The following MSTO1 variants were observed in gnomAD, a reference collection of about 807,000 sequenced individuals.
The protein encoded by MSTO1 is misato mitochondrial distribution and morphology regulator 1.
In MSTO1, 24 loss-of-function variants were observed where a neutral mutation model predicts 55.7. The ratio of observed to expected loss-of-function variants is 0.43; its 90% CI spans 0.31 to 0.61. The LOEUF is 0.61. MSTO1 is among the 20% of genes least tolerant of loss of function. The probability of loss-of-function intolerance (pLI) is 0.09; values close to 1 mark genes in which losing one functional copy is unlikely to be tolerated. For missense variants in MSTO1, 363 were observed against 625.7 expected (o/e 0.58, Z 4.48); for synonymous variants, 162 against 252.8 (o/e 0.64, Z 3.41).
At chr1:155,601,546 A>G in the MSTO1 span, among the ~76,000 whole-genome samples, 1 of 152,118 alleles carries the variant, frequency 6.6e-6, no homozygotes, top group African/African-American at 2.4e-5. Flanking sequence ...GGATCGCCTG[A>G]GCCTAGAAGT....
chr1:155,565,342 T>TCTTAA, the MSTO1 span, among the ~76,000 whole-genome samples: 5 of 151,804 alleles, frequency 3.3e-5, no homozygotes, highest in Admixed American at 3.3e-4. Context: ...AAATGAATGT[T>TCTTAA]AGATACTTAA....
the MSTO1 span, among the ~76,000 whole-genome samples, chr1:155,578,336 C>CTTTCTTTTTTTTTTTT: frequency 2.3e-5 from 1 of 44,280 alleles, no homozygotes; most frequent in Non-Finnish European, 3.6e-5. Flanking sequence ...AACTACCTTT[C>CTTTCTTTTTTTTTTTT]TTTTTTTTTT....
At chr1:155,609,234 TA>T (rs1338618758), upstream of MSTO1, among the ~76,000 whole-genome samples, 154 of 51,040 alleles carry the variant, frequency 3.0e-3, no homozygotes, top group Non-Finnish European at 5.5e-3. Context: ...TATATATATA[TA>T]TATATATATT....
upstream of MSTO1, among the ~76,000 whole-genome samples, chr1:155,605,426 A>C (rs1672923054): frequency 6.6e-6 from 1 of 152,232 alleles, no homozygotes; most frequent in Non-Finnish European, 1.5e-5. Context: ...TTCCAAAAAA[A>C]TATGGCTTAC....
At chr1:155,583,510 TG>T in the MSTO1 span, among the ~76,000 whole-genome samples, 1 of 152,130 alleles carries the variant, frequency 6.6e-6, no homozygotes, top group African/African-American at 2.4e-5. Context: ...CACTCCAGCC[TG>T]GGCAACAGAC....
the MSTO1 span, among the ~76,000 whole-genome samples, chr1:155,565,573 T>C: frequency 1.3e-5 from 2 of 152,248 alleles, no homozygotes; most frequent in East Asian, 3.9e-4. Context: ...CACATTTTCT[T>C]CAAAGTAAAA....
intron 11 of MSTO1, 36 bp downstream of exon 11, chr1:155,613,269 T>C (rs1254091204): frequency 1.2e-6 from 2 of 1,600,518 alleles, no homozygotes; most frequent in African/African-American, 1.3e-5. Context: ...CCTTGTCAGA[T>C]TTTTGTCTCA....
upstream of MSTO1, among the ~76,000 whole-genome samples, chr1:155,605,464 A>G (rs1362575520): frequency 6.6e-6 from 1 of 152,162 alleles, no homozygotes; most frequent in Non-Finnish European, 1.5e-5. Flanking sequence ...AATAAACTTT[A>G]AATACTCCTA....
chr1:155,587,587 C>CA, the MSTO1 span, among the ~76,000 whole-genome samples: 1 of 140,364 alleles, frequency 7.1e-6, no homozygotes, highest in Admixed American at 7.1e-5. Flanking sequence ...ACTGAAAATA[C>CA]AAAAAAATTA....
At chr1:155,598,687 T>G in the MSTO1 span, 1 of 424,122 alleles carries the variant, frequency 2.4e-6, no homozygotes, top group Non-Finnish European at 4.3e-6. Context: ...ACGTCACTGC[T>G]TTCCAGCCTG....
chr1:155,607,203 T>C (rs1023895884), upstream of MSTO1, among the ~76,000 whole-genome samples: 9 of 150,944 alleles, frequency 6.0e-5, no homozygotes, highest in African/African-American at 2.2e-4. Flanking sequence ...TGAGTTGGAG[T>C]CTTTCTCTGT....
the MSTO1 span, among the ~76,000 whole-genome samples, chr1:155,603,660 C>T: frequency 1.3e-5 from 2 of 152,030 alleles, no homozygotes; most frequent in Non-Finnish European, 2.9e-5. Flanking sequence ...GAGTTCAAGA[C>T]CAGCCTGGAC....
rs780183969 is a variant in MSTO1 at position 155,613,065 on chromosome 1, C to G, written c.1115C>G (p.Ala372Gly). ...TCTCTTTAGGTGGTGACAGCAGGAGCAATCATCCCTTTCCCCTTGGCTCCA... is the reference window on the plus strand; with the variant it reads ...TCTCTTTAGGTGGTGACAGCAGGAGGAATCATCCCTTTCCCCTTGGCTCCA... ...FCGKKVVTAG[A>G]IIPFPLAPGQ... is the part of the protein sequence containing the mutation. Residue 372 changes from alanine to glycine, a missense_variant, in exon 11 of 14, where the codon GCA becomes GGA. Around this residue, in one of 3 missense-constraint regions of MSTO1, gnomAD observed 231 missense variants for 286.9 expected, o/e 0.81. Coordinates refer to ENST00000245564, the MANE Select transcript of MSTO1 (RefSeq NM_018116.4). 6.2e-7 allele frequency: 1 copy of G among 1,613,666 alleles called. No homozygotes were observed. Among genetic ancestry groups the G allele is most frequent in the South Asian group, 1.1e-5 (1 of 91,052 alleles).
At chr1:155,563,443 C>T in the MSTO1 span, 2 of 456,686 alleles carry the variant, frequency 4.4e-6, no homozygotes, top group Non-Finnish European at 8.8e-6. Flanking sequence ...CGGGGGGATT[C>T]CTCCCGGGCG....
chr1:155,599,807 CT>C, the MSTO1 span, among the ~76,000 whole-genome samples: 1 of 152,180 alleles, frequency 6.6e-6, no homozygotes, highest in Non-Finnish European at 1.5e-5. Context: ...GAACAAAGGT[CT>C]TTGCATCATA....
In MSTO1 at chr1:155,614,722, C is replaced by G. The variant is rs1392831968; in HGVS notation, c.*449C>G. 30 of 1,578,262 alleles carry G rather than the reference C, an allele frequency of 1.9e-5. No individual in the cohort carries two copies. The highest frequency in any genetic ancestry group is 2.6e-5 in the Non-Finnish European group (30 of 1,148,660). ...CCTGTGTAGATGATTCCCAGAGTCT[C>G]ATTCATCCAGCTCCTCTTCAGACAG... is the stretch of plus-strand genomic sequence containing the variant. On this transcript the variant is annotated 3_prime_UTR_variant, in exon 14 of 14. Transcript: ENST00000245564.
chr1:155,584,407 C>G, the MSTO1 span, among the ~76,000 whole-genome samples: 1 of 151,882 alleles, frequency 6.6e-6, no homozygotes, highest in Non-Finnish European at 1.5e-5. Flanking sequence ...GTGGCTCACA[C>G]TTGTAATCCT....
At chr1:155,586,843 G>T in the MSTO1 span, 1 of 261,468 alleles carries the variant, frequency 3.8e-6, no homozygotes. Context: ...TGCCTTCCAG[G>T]TTCAAGCAAT....
chr1:155,580,065 G>A, the MSTO1 span, among the ~76,000 whole-genome samples: 2 of 147,342 alleles, frequency 1.4e-5, no homozygotes, highest in African/African-American at 2.5e-5. Flanking sequence ...AACAGAGCAA[G>A]AGTCCATCTC....
Sources: allele counts gnomAD v4.1 joint callset (sites outside exome capture counted in the v4.1 genomes callset), GRCh38; gene constraint gnomAD v4.1.1; regional missense constraint gnomAD v4.1.1; transcripts MANE v1.5; gene names NCBI Gene and HGNC (gene_info 2026-07-23, HGNC 2026-07-21).